The following ANO3 variants were observed in gnomAD, a reference collection of about 807,000 sequenced individuals.
The protein encoded by ANO3 is anoctamin-3.
Under a neutral mutation model 144.8 loss-of-function variants are expected in ANO3, and 99 were observed. That is an observed-to-expected ratio of 0.68 (90% confidence interval 0.58 to 0.81). The LOEUF (loss-of-function observed/expected upper bound fraction) is 0.81. ANO3 is among the 30% of genes least tolerant of loss of function. The pLI is 0.00. For synonymous variants in ANO3, 414 were observed against 392.6 expected (o/e 1.05, Z -0.64); for missense variants, 905 against 1,202.2 (o/e 0.75, Z 3.66).
At chr11:26,432,288 C>T (rs1259900049) in intron 1 of ANO3, among the ~76,000 whole-genome samples, 1 of 151,982 alleles carries the variant, frequency 6.6e-6, no homozygotes, top group Non-Finnish European at 1.5e-5. Flanking sequence ...AGTTTAAGTT[C>T]GCTATAGATG....
chr11:26,438,292 G>A (rs1858368655), intron 1 of ANO3, among the ~76,000 whole-genome samples: 1 of 152,010 alleles, frequency 6.6e-6, no homozygotes, highest in Non-Finnish European at 1.5e-5. Context: ...AACAATCACA[G>A]GATAGATTTT....
intron 1 of ANO3, among the ~76,000 whole-genome samples, chr11:26,204,918 G>A (rs928802552): frequency 1.3e-5 from 2 of 152,054 alleles, no homozygotes; most frequent in African/African-American, 4.8e-5. Context: ...AGAAATACTC[G>A]AGACTGGGTA....
At chr11:26,453,934 G>T (rs185282039) in intron 3 of ANO3, among the ~76,000 whole-genome samples, 4 of 151,984 alleles carry the variant, frequency 2.6e-5, no homozygotes, top group African/African-American at 4.8e-5. Context: ...ACTCAAAACC[G>T]CTCAACTACA....
chr11:26,654,276 C>A (rs1401542679), intron 24 of ANO3, among the ~76,000 whole-genome samples: 1 of 152,076 alleles, frequency 6.6e-6, no homozygotes, highest in Admixed American at 6.6e-5. Context: ...TCGTTGAATT[C>A]TCTGAGACAT....
At chr11:26,581,904 G>T (rs1324573761) in intron 14 of ANO3, among the ~76,000 whole-genome samples, 2 of 152,028 alleles carry the variant, frequency 1.3e-5, no homozygotes, top group Non-Finnish European at 2.9e-5. Flanking sequence ...CAAAGTTCTT[G>T]GTATGTGTAA....
chr11:26,278,898 T>G (rs920860767), intron 1 of ANO3, among the ~76,000 whole-genome samples: 4 of 152,108 alleles, frequency 2.6e-5, no homozygotes, highest in Non-Finnish European at 4.4e-5. Context: ...TGTTGTATAT[T>G]GGGATTTGTA....
At chr11:26,347,044 TA>T (rs972703873) in intron 1 of ANO3, among the ~76,000 whole-genome samples, 6 of 152,250 alleles carry the variant, frequency 3.9e-5, no homozygotes, top group African/African-American at 1.4e-4. Context: ...AGTATTTTAA[TA>T]AAATTTCAGA....
At position 26,190,532 on chromosome 11, in the gene ANO3, C is replaced by T. The variant is rs547312276; in HGVS notation, c.154+1202C>T. ...GATGTACATAGCTTTTTACAGTAGA[C>T]TTGGTTAGAAAAATAGTTTAATAAA... is the stretch of plus-strand genomic sequence containing the variant. On this transcript the variant is annotated intron_variant, in intron 1 of 27. Coordinates refer to the ANO3 transcript ENST00000672621. Among the ~76,000 whole-genome samples the T allele has an allele frequency of 4.7e-4, 71 of 152,158 alleles. No homozygotes were observed. In the South Asian group the frequency reaches 0.014, roughly 30 times the overall value.
At chr11:26,263,863 C>T (rs560242145) in intron 1 of ANO3, among the ~76,000 whole-genome samples, 1 of 152,188 alleles carries the variant, frequency 6.6e-6, no homozygotes, top group Admixed American at 6.5e-5. Flanking sequence ...TCATTTGGTT[C>T]CTATAAAGAC....
intron 16 of ANO3, 84 bp from the exon 17 acceptor site, chr11:26,599,466 G>T: frequency 7.6e-7 from 1 of 1,321,258 alleles, no homozygotes; most frequent in Non-Finnish European, 1.1e-6. Context: ...AATTCTTGGG[G>T]ACAGTAGATT....
chr11:26,241,922 G>A (rs1054960595), intron 1 of ANO3, among the ~76,000 whole-genome samples: 4 of 152,140 alleles, frequency 2.6e-5, no homozygotes, highest in Non-Finnish European at 5.9e-5. Flanking sequence ...ATTCTAAGAG[G>A]ACAGAAGCAA....
At chr11:26,534,425 G>T in intron 8 of ANO3, 31 bp from the exon 9 acceptor site, 1 of 1,441,170 alleles carries the variant, frequency 6.9e-7, no homozygotes, top group South Asian at 1.2e-5. Flanking sequence ...GTTCTGCTTT[G>T]AATATTAAAC....
chr11:26,479,090 A>C lies in ANO3; in HGVS notation c.432+15942A>C, dbSNP rs560263875. ...AGAGATGGAGATAGAGAAGAAATATAATAGTAGAGTAAGAATCCTGACAGC... is the reference window on the plus strand; with the variant it reads ...AGAGATGGAGATAGAGAAGAAATATCATAGTAGAGTAAGAATCCTGACAGC... On this transcript the variant is annotated intron_variant, in intron 4 of 26. Coordinates refer to ENST00000256737, the MANE Select transcript of ANO3 (RefSeq NM_031418.4). 3.3e-5 allele frequency among the ~76,000 whole-genome samples: 5 copies of C among 152,328 alleles called. No individual in the cohort carries two copies. In the East Asian group the frequency reaches 9.6e-4, roughly 29 times the overall value.
intron 1 of ANO3, among the ~76,000 whole-genome samples, chr11:26,300,204 GCACA>G (rs940655231): frequency 6.6e-6 from 1 of 151,164 alleles, no homozygotes; most frequent in African/African-American, 2.4e-5. Context: ...AAGCACGCAC[GCACA>G]CACACACAGA....
intron 1 of ANO3, among the ~76,000 whole-genome samples, chr11:26,385,248 T>C (rs1258210475): frequency 6.6e-6 from 1 of 152,192 alleles, no homozygotes; most frequent in African/African-American, 2.4e-5. Flanking sequence ...TTGGAAAAAG[T>C]GTTTACAAAC....
At chr11:26,497,439 G>T (rs1861007605) in intron 4 of ANO3, among the ~76,000 whole-genome samples, 1 of 152,018 alleles carries the variant, frequency 6.6e-6, no homozygotes, top group Non-Finnish European at 1.5e-5. Flanking sequence ...TTTGATAGAG[G>T]TTGTACTAAT....
chr11:26,245,020 T>TGTGTGCGCGC (rs1261271327), intron 1 of ANO3, among the ~76,000 whole-genome samples: 2 of 141,510 alleles, frequency 1.4e-5, no homozygotes, highest in South Asian at 4.6e-4. Flanking sequence ...TGTGTGTGTG[T>TGTGTGCGCGC]GCATGCATGC....
At chr11:26,621,997 T>A (rs1215736278) in intron 17 of ANO3, among the ~76,000 whole-genome samples, 1 of 152,096 alleles carries the variant, frequency 6.6e-6, no homozygotes, top group African/African-American at 2.4e-5. Context: ...ACTGCCAAAG[T>A]GATTGCTGCC....
chr11:26,498,216 A>G (rs1861043763), intron 4 of ANO3, among the ~76,000 whole-genome samples: 2 of 151,992 alleles, frequency 1.3e-5, no homozygotes, highest in African/African-American at 4.8e-5. Context: ...TAATTGACTG[A>G]AGAGAATGTA....
Sources: allele counts gnomAD v4.1 joint callset (sites outside exome capture counted in the v4.1 genomes callset), GRCh38; gene constraint gnomAD v4.1.1; transcripts MANE v1.5; gene names NCBI Gene and HGNC (gene_info 2026-07-23, HGNC 2026-07-21).